Variants in ANAPC7 observed in about 807,000 individuals in gnomAD.
ANAPC7 encodes anaphase-promoting complex subunit 7.
In ANAPC7, 25 loss-of-function variants were observed where a neutral mutation model predicts 63.3. The ratio of observed to expected loss-of-function variants is 0.39; its 90% CI spans 0.29 to 0.55. The LOEUF (loss-of-function observed/expected upper bound fraction) is 0.55, where lower values mean the gene tolerates loss of function less well. Ranked by LOEUF, ANAPC7 falls within the 20% of genes least tolerant of loss-of-function variation. The pLI is 0.57. For synonymous variants in ANAPC7, 241 were observed against 251.7 expected (o/e 0.96, Z 0.40); for missense variants, 516 against 691.7 (o/e 0.75, Z 2.85).
At chr12:110,387,335 G>GAGAGAGAGAGAGAGAGAGAGAGAGAGAGA (rs1566269122) in intron 5 of ANAPC7, 1 of 22,222 alleles carries the variant, frequency 4.5e-5, no homozygotes, top group Admixed American at 6.7e-4. Context: ...GAGAGAGAGA[G>GAGAGAGAGAGAGAGAGAGAGAGAGAGAGA]GCAGAGAGAG....
At chr12:110,396,189 C>T in intron 2 of ANAPC7, 77 bp downstream of exon 2, 1 of 1,356,446 alleles carries the variant, frequency 7.4e-7, no homozygotes, top group Non-Finnish European at 1.0e-6. Flanking sequence ...GGCACTGGGG[C>T]CTGGGGACCC....
intron 1 of ANAPC7, among the ~76,000 whole-genome samples, chr12:110,399,716 G>T (rs1010818369): frequency 4.0e-5 from 6 of 151,558 alleles, no homozygotes; most frequent in Non-Finnish European, 7.4e-5. Flanking sequence ...CTTGAACCTG[G>T]GAGGTGGAGG....
At chr12:110,395,072 G>A in intron 3 of ANAPC7, 29 bp downstream of exon 3, 1 of 1,606,988 alleles carries the variant, frequency 6.2e-7, no homozygotes, top group Non-Finnish European at 8.5e-7. Flanking sequence ...GGAGAGCTGA[G>A]GAGAAAAACA....
At chr12:110,395,993 A>C (rs1883541466) in intron 2 of ANAPC7, among the ~76,000 whole-genome samples, 1 of 152,210 alleles carries the variant, frequency 6.6e-6, no homozygotes, top group South Asian at 2.1e-4. Flanking sequence ...TCAGATCTTC[A>C]GGCATTAGTC....
intron 8 of ANAPC7, among the ~76,000 whole-genome samples, chr12:110,380,157 C>A (rs1881683012): frequency 6.6e-6 from 1 of 152,196 alleles, no homozygotes; most frequent in South Asian, 2.1e-4. Context: ...TCGGGACCAG[C>A]CTGGCTAACA....
Position 110,403,143 on chromosome 12 carries a change from G to A in ANAPC7, c.101+384C>T, listed in dbSNP as rs117311384. Among the ~76,000 whole-genome samples, 1,120 of 152,288 alleles carry A rather than the reference G, an allele frequency of 7.4e-3. 17 individuals are homozygous for A. Among genetic ancestry groups the A allele is most frequent in the South Asian group, 0.04 (191 of 4,820 alleles). On this transcript the variant is annotated intron_variant, in intron 1 of 10. Transcript: ENST00000455511. ...GGGGCTAGCGCATAAAAACCAGGAG[G>A]CTGGGTCCCTGAGCTGCAGCGAGAG...
chr12:110,384,843 T>G (rs1234992198), intron 6 of ANAPC7, among the ~76,000 whole-genome samples: 1 of 152,170 alleles, frequency 6.6e-6, no homozygotes, highest in Non-Finnish European at 1.5e-5. Flanking sequence ...AGGCATCAAC[T>G]AAGGTCTCTC....
intron 3 of ANAPC7, among the ~76,000 whole-genome samples, chr12:110,390,253 A>T (rs28626965): frequency 0.46 from 69,783 of 151,326 alleles, 17,716 homozygotes; most frequent in African/African-American, 0.67. Context: ...TTTGTATTTT[A>T]AGTAGAGATG....
At chr12:110,397,843 C>T (rs1379446504) in intron 1 of ANAPC7, among the ~76,000 whole-genome samples, 3 of 151,906 alleles carry the variant, frequency 2.0e-5, no homozygotes, top group Admixed American at 6.6e-5. Flanking sequence ...TGCTGTGAGC[C>T]GAGATTGCGC....
In ANAPC7 at chr12:110,377,400, T is replaced by C. The variant is rs1282042959; in HGVS notation, c.1350A>G (p.Glu450=). The C allele has an allele frequency of 6.2e-7, 1 of 1,613,050 alleles. No homozygotes were observed. The highest frequency in any genetic ancestry group is 2.2e-5 in the East Asian group (1 of 44,880). The change falls in exon 9 of 11, where the codon GAA becomes GAG. Residue 450 remains glutamate (E), a synonymous_variant. Coordinates refer to ENST00000455511, the MANE Select transcript of ANAPC7 (RefSeq NM_016238.3). ...DYIKAVVKKA[E]LLSREQKYED... ...AAAATAAGACACACTTACTAAGTAG[T>C]TCTGCTTTTTTCACCACAGCCTTAA...
chr12:110,376,925 G>A (rs942375541), intron 9 of ANAPC7, among the ~76,000 whole-genome samples: 2 of 151,132 alleles, frequency 1.3e-5, no homozygotes, highest in East Asian at 1.9e-4. Flanking sequence ...TTTCGAAACC[G>A]GCCTGGCCAA....
intron 8 of ANAPC7, among the ~76,000 whole-genome samples, chr12:110,381,398 G>A (rs28617452): frequency 1.4e-3 from 214 of 152,088 alleles, no homozygotes; most frequent in African/African-American, 5.1e-3. Flanking sequence ...GTGCAGTGGC[G>A]CAATCTTGGC....
At chr12:110,383,040 T>A in intron 6 of ANAPC7, 80 bp from the exon 7 acceptor site, 2 of 1,051,568 alleles carry the variant, frequency 1.9e-6, no homozygotes, top group Non-Finnish European at 2.8e-6. Context: ...GCACCCAACA[T>A]CAGACCCCAT....
At chr12:110,402,882 C>T (rs1234507691) in intron 1 of ANAPC7, among the ~76,000 whole-genome samples, 2 of 152,008 alleles carry the variant, frequency 1.3e-5, no homozygotes, top group African/African-American at 2.4e-5. Context: ...ACCGCAGGCA[C>T]GCACCATCAC....
At chr12:110,382,464 AT>A (rs869130229) in intron 7 of ANAPC7, among the ~76,000 whole-genome samples, 1,791 of 80,404 alleles carry the variant, frequency 0.022, 24 homozygotes, top group South Asian at 0.035. Context: ...AAAAAAAAAT[AT>A]ATATATATAT....
intron 2 of ANAPC7, among the ~76,000 whole-genome samples, chr12:110,395,892 C>T (rs1179491731): frequency 6.6e-6 from 1 of 152,144 alleles, no homozygotes; most frequent in African/African-American, 2.4e-5. Flanking sequence ...CGGTCCCCAA[C>T]CTTTTTGGCA....
chr12:110,388,753 C>T, intron 3 of ANAPC7, 130 bp from the exon 4 acceptor site: 1 of 670,862 alleles, frequency 1.5e-6, no homozygotes, highest in Non-Finnish European at 2.5e-6. Context: ...CAACCCTGTG[C>T]AAATAAAGGC....
chr12:110,377,618 C>G lies in ANAPC7; in HGVS notation c.1133-1G>C. On this transcript the variant is annotated splice_acceptor_variant, in intron 8 of 10. Coordinates refer to ENST00000455511, the MANE Select transcript of ANAPC7 (RefSeq NM_016238.3). LOFTEE classifies it high-confidence loss of function. Reference sequence around the variant, plus strand: ...GAGGCTAAGTAACATTCGATAAGACCTGAAAAAAGTAAAACACGTGAAGAC... The same window carrying G: ...GAGGCTAAGTAACATTCGATAAGACGTGAAAAAAGTAAAACACGTGAAGAC... 6.2e-7 allele frequency: 1 copy of G among 1,614,118 alleles called. No individual in the cohort carries two copies. Among genetic ancestry groups the G allele is most frequent in the Non-Finnish European group, 8.5e-7 (1 of 1,180,012 alleles).
In ANAPC7 at chr12:110,396,432, T is replaced by C; in HGVS notation, c.122A>G (p.Gln41Arg). The C allele has an allele frequency of 6.2e-7, 1 of 1,609,972 alleles. No individual in the cohort carries two copies. The highest frequency in any genetic ancestry group is 8.5e-7 in the Non-Finnish European group (1 of 1,178,942). The part of the protein sequence containing the change: ...NNNPELFSPP[Q>R]KYQLLVYHAD... ...ATGATACACCAAAAGCTGGTACTTC[T>C]GAGGTGGGGAGAATAACTCACTAGA... is the stretch of plus-strand genomic sequence containing the variant. Residue 41 changes from glutamine to arginine, a missense_variant, in exon 2 of 11, where the codon CAG becomes CGG. This residue lies in a region of ANAPC7 where 185 missense variants were observed against 200.3 expected (regional missense o/e 0.92). Coordinates refer to ENST00000455511, the MANE Select transcript of ANAPC7 (RefSeq NM_016238.3).
Sources: allele counts gnomAD v4.1 joint callset (sites outside exome capture counted in the v4.1 genomes callset), GRCh38; gene constraint gnomAD v4.1.1; regional missense constraint gnomAD v4.1.1; transcripts MANE v1.5; gene names NCBI Gene and HGNC (gene_info 2026-07-23, HGNC 2026-07-21).